Variants in TAFA2 observed in about 807,000 individuals in gnomAD.
TAFA2 encodes the protein chemokine-like protein TAFA-2.
TAFA2 carries 7 observed loss-of-function variants against 18.8 expected under a neutral mutation model. That is an observed-to-expected ratio of 0.37 (90% CI 0.21 to 0.70). The LOEUF is 0.70. Among genes scored for constraint, TAFA2 ranks in the 30% least tolerant of loss-of-function variants. TAFA2 has a pLI of 0.53. For missense variants in TAFA2, 122 were observed against 158.1 expected (o/e 0.77, Z 1.23); for synonymous variants, 60 against 54.2 (o/e 1.11, Z -0.47).
intron 1 of TAFA2, among the ~76,000 whole-genome samples, chr12:62,142,100 A>C (rs2062244717): frequency 6.6e-6 from 1 of 152,148 alleles, no homozygotes; most frequent in Non-Finnish European, 1.5e-5. Context: ...CCTTCTTATA[A>C]ATGAAGAAAC....
At chr12:62,207,966 T>G (rs551207468) in intron 1 of TAFA2, among the ~76,000 whole-genome samples, 2 of 152,210 alleles carry the variant, frequency 1.3e-5, no homozygotes, top group Admixed American at 1.3e-4. Flanking sequence ...TATCTAGACA[T>G]CCTCATTCCT....
At chr12:61,914,358 G>T (rs1876732999) in intron 1 of TAFA2, among the ~76,000 whole-genome samples, 1 of 152,136 alleles carries the variant, frequency 6.6e-6, no homozygotes, top group Non-Finnish European at 1.5e-5. Context: ...CCCAAAATAT[G>T]GGTTGCACCT....
At chr12:61,999,202 A>G (rs896478689) in intron 1 of TAFA2, among the ~76,000 whole-genome samples, 2 of 152,208 alleles carry the variant, frequency 1.3e-5, no homozygotes, top group African/African-American at 4.8e-5. Flanking sequence ...AATTCAAAAT[A>G]TCATTCAGCT....
intron 1 of TAFA2, among the ~76,000 whole-genome samples, chr12:62,165,150 G>A (rs1037261139): frequency 6.6e-5 from 10 of 152,074 alleles, no homozygotes; most frequent in African/African-American, 2.2e-4. Context: ...CTTCTCAGTG[G>A]CTATTCTGAT....
intron 1 of TAFA2, among the ~76,000 whole-genome samples, chr12:62,002,914 C>T (rs1457135793): frequency 6.6e-6 from 1 of 152,124 alleles, no homozygotes; most frequent in Non-Finnish European, 1.5e-5. Flanking sequence ...ATGCTTAAAC[C>T]CCACAAGTTC....
intron 1 of TAFA2, among the ~76,000 whole-genome samples, chr12:61,966,328 T>TTGCAAGATAGCAAGAGG (rs1159994442): frequency 1.3e-5 from 2 of 152,022 alleles, no homozygotes; most frequent in East Asian, 3.9e-4. Context: ...GATGGCACCC[T>TTGCAAGATAGCAAGAGG]GCTGCTGCAT....
intron 2 of TAFA2, among the ~76,000 whole-genome samples, chr12:61,763,857 T>C (rs1420296640): frequency 2.6e-5 from 4 of 151,800 alleles, no homozygotes; most frequent in Non-Finnish European, 4.4e-5. Context: ...CTTCTGCAGA[T>C]TTTCCTGTTT....
intron 1 of TAFA2, among the ~76,000 whole-genome samples, chr12:61,901,714 T>G (rs1007380928): frequency 2.6e-5 from 4 of 152,154 alleles, no homozygotes; most frequent in Non-Finnish European, 4.4e-5. Context: ...GGCACCACAC[T>G]AATCAAACAT....
intron 1 of TAFA2, among the ~76,000 whole-genome samples, chr12:62,210,704 A>T (rs1313703845): frequency 1.3e-5 from 2 of 152,316 alleles, no homozygotes; most frequent in East Asian, 3.9e-4. Flanking sequence ...GAGCAGCCAA[A>T]TTTTTTAATG....
intron 1 of TAFA2, among the ~76,000 whole-genome samples, chr12:61,931,114 C>T (rs1353949696): frequency 6.6e-6 from 1 of 152,138 alleles, no homozygotes; most frequent in African/African-American, 2.4e-5. Flanking sequence ...ATCAGTTGAA[C>T]CGTAATCATA....
chr12:61,930,214 T>C (rs1179797889), intron 1 of TAFA2, among the ~76,000 whole-genome samples: 1 of 152,018 alleles, frequency 6.6e-6, no homozygotes, highest in Non-Finnish European at 1.5e-5. Flanking sequence ...AAACCTTGAA[T>C]CTGTTTACAC....
intron 1 of TAFA2, among the ~76,000 whole-genome samples, chr12:62,091,906 C>A: frequency 6.6e-6 from 1 of 152,064 alleles, no homozygotes. Flanking sequence ...TAATTGCTGT[C>A]GACAGAGTAT....
At chr12:62,032,878 C>T (rs188143162) in intron 1 of TAFA2, among the ~76,000 whole-genome samples, 120 of 152,326 alleles carry the variant, frequency 7.9e-4, no homozygotes, top group African/African-American at 2.7e-3. Context: ...ACAGCATTCT[C>T]ACCTAAGAAT....
In TAFA2 at chr12:62,169,681, C is replaced by T. The variant is rs966404518; in HGVS notation, c.-2+21578G>A. ...CCTGGCTAATGCAGTGAAACCCTGT[C>T]GCTACTAAAAATACAAAAAATTAGC... is the stretch of plus-strand genomic sequence containing the variant. On this transcript the variant is annotated intron_variant, in intron 1 of 4. Transcript: ENST00000416284. Among the ~76,000 whole-genome samples, 7 of 151,914 alleles carry T rather than the reference C, an allele frequency of 4.6e-5. 1 individual carries two copies. Among genetic ancestry groups the T allele is most frequent in the Admixed American group, 1.3e-4 (2 of 15,264 alleles).
At chr12:61,939,416 C>CCAA (rs1877905282) in intron 1 of TAFA2, among the ~76,000 whole-genome samples, 1 of 151,990 alleles carries the variant, frequency 6.6e-6, no homozygotes, top group Non-Finnish European at 1.5e-5. Flanking sequence ...CAATGTGTAT[C>CCAA]TTTGGTTTAT....
intron 1 of TAFA2, among the ~76,000 whole-genome samples, chr12:62,120,954 C>T (rs1397595272): frequency 6.6e-6 from 1 of 152,048 alleles, no homozygotes; most frequent in African/African-American, 2.4e-5. Context: ...CTCCTGGGTT[C>T]AAGCATTCTC....
intron 1 of TAFA2, among the ~76,000 whole-genome samples, chr12:61,978,553 A>T (rs1195815378): frequency 6.6e-6 from 1 of 151,924 alleles, no homozygotes; most frequent in African/African-American, 2.4e-5. Context: ...AACAGCCCCG[A>T]AGTCTCTACA....
intron 1 of TAFA2, among the ~76,000 whole-genome samples, chr12:61,874,858 G>GCC (rs1000590911): frequency 1.3e-5 from 2 of 151,956 alleles, no homozygotes; most frequent in African/African-American, 4.8e-5. Context: ...TGAATCACTT[G>GCC]CCCTCCTTTC....
intron 2 of TAFA2, among the ~76,000 whole-genome samples, chr12:61,837,761 G>A (rs570515883): frequency 8.9e-4 from 135 of 152,022 alleles, no homozygotes; most frequent in African/African-American, 2.9e-3. Context: ...GTAGGAGTGC[G>A]GGGAAGAGAT....
Sources: gnomAD v4.1 joint callset for allele counts (sites outside exome capture counted in the v4.1 genomes callset) on GRCh38, gnomAD v4.1.1 for gene constraint, MANE v1.5 for transcripts, NCBI Gene and HGNC (gene_info 2026-07-23, HGNC 2026-07-21) for gene names.